GPHN: variants seen among roughly 807,000 people sequenced by gnomAD.
GPHN encodes the protein gephyrin.
A neutral mutation model predicts 95.5 loss-of-function variants in GPHN; 17 were observed. That is an observed-to-expected ratio of 0.18 (90% CI 0.12 to 0.27). GPHN has a LOEUF of 0.27. Ranked by LOEUF, GPHN falls within the 10% of genes least tolerant of loss-of-function variation. The pLI is 1.00. For synonymous variants in GPHN, 320 were observed against 322.5 expected, an observed-to-expected ratio of 0.99 and a Z score of 0.08; for missense variants, 660 against 978.1, an observed-to-expected ratio of 0.67 and a Z score of 4.34.
chr14:67,725,463 G>A, the GPHN span, among the ~76,000 whole-genome samples: 1 of 152,230 alleles, frequency 6.6e-6, no homozygotes, highest in Admixed American at 6.5e-5. Flanking sequence ...CCTCAGCAAT[G>A]GGAATGTCGG....
intron 1 of GPHN, among the ~76,000 whole-genome samples, chr14:66,632,460 C>T (rs1015475681): frequency 2.0e-5 from 3 of 149,102 alleles, no homozygotes; most frequent in African/African-American, 7.3e-5. Context: ...ACAGATTTGT[C>T]TCCATACTTT....
the GPHN span, among the ~76,000 whole-genome samples, chr14:67,346,812 A>T: frequency 6.6e-6 from 1 of 152,214 alleles, no homozygotes; most frequent in Non-Finnish European, 1.5e-5. Flanking sequence ...GGGAATTATA[A>T]GCAGTGCATT....
At chr14:67,642,356 G>A in the GPHN span, 1 of 1,613,744 alleles carries the variant, frequency 6.2e-7, no homozygotes, top group African/African-American at 1.3e-5. Context: ...ACTGGGAGGA[G>A]ACCACAGGTA....
the GPHN span, among the ~76,000 whole-genome samples, chr14:67,728,706 G>T: frequency 2.0e-5 from 3 of 151,026 alleles, no homozygotes; most frequent in African/African-American, 7.3e-5. Flanking sequence ...TATCTTGTGG[G>T]GGGGGGGTGT....
At chr14:66,762,137 TAA>T (rs3033908) in intron 2 of GPHN, among the ~76,000 whole-genome samples, 4 of 145,664 alleles carry the variant, frequency 2.7e-5, no homozygotes, top group African/African-American at 5.0e-5. Context: ...TTTGAAAGGT[TAA>T]AAAAAAAAAA....
the GPHN span, among the ~76,000 whole-genome samples, chr14:67,215,243 C>G: frequency 1.3e-5 from 2 of 152,120 alleles, no homozygotes; most frequent in South Asian, 4.1e-4. Context: ...ACTATAGGCT[C>G]ACCAGGAATC....
At chr14:67,029,595 C>A (rs554180889) in intron 10 of GPHN, among the ~76,000 whole-genome samples, 3 of 152,296 alleles carry the variant, frequency 2.0e-5, no homozygotes, top group East Asian at 3.9e-4. Flanking sequence ...CCTCAGCCCC[C>A]CAAAGTGCTG....
chr14:67,298,470 A>T, the GPHN span, among the ~76,000 whole-genome samples: 1 of 151,512 alleles, frequency 6.6e-6, no homozygotes, highest in African/African-American at 2.4e-5. Flanking sequence ...AGCCAAGATC[A>T]TGCCATTGCA....
At chr14:67,397,699 G>C in the GPHN span, 2 of 1,613,426 alleles carry the variant, frequency 1.2e-6, no homozygotes, top group Non-Finnish European at 1.7e-6. Flanking sequence ...GCAGGTGATG[G>C]TGCAGCCATC....
the GPHN span, chr14:67,376,378 T>TA: frequency 5.5e-6 from 8 of 1,467,788 alleles, no homozygotes; most frequent in East Asian, 2.0e-4. Context: ...TACTAAAATG[T>TA]AAAAACATTT....
At chr14:67,645,089 A>C in the GPHN span, among the ~76,000 whole-genome samples, 2 of 148,782 alleles carry the variant, frequency 1.3e-5, no homozygotes, top group Non-Finnish European at 3.0e-5. Context: ...TTAGGTCTTT[A>C]ATGGTTTACC....
At chr14:67,316,643 G>T in the GPHN span, among the ~76,000 whole-genome samples, 2 of 152,036 alleles carry the variant, frequency 1.3e-5, no homozygotes, top group African/African-American at 4.8e-5. Flanking sequence ...GATTGATTGA[G>T]CAGAGTTAAT....
chr14:67,695,788 C>G, the GPHN span: 19 of 1,268,822 alleles, frequency 1.5e-5, no homozygotes, highest in Non-Finnish European at 1.6e-5. Flanking sequence ...CGCCCCAATT[C>G]AAATTGCGAC....
the GPHN span, chr14:67,685,148 G>A: frequency 2.1e-5 from 34 of 1,614,038 alleles, no homozygotes; most frequent in African/African-American, 3.9e-4. Flanking sequence ...GATGAGTGCC[G>A]AACCAGTTCA....
At chr14:66,546,153 C>T (rs1356958405) in intron 1 of GPHN, among the ~76,000 whole-genome samples, 5 of 151,528 alleles carry the variant, frequency 3.3e-5, no homozygotes, top group Non-Finnish European at 7.4e-5. Flanking sequence ...CAGAGACGCT[C>T]CTCACTTCCT....
chr14:67,558,348 A>C, the GPHN span, among the ~76,000 whole-genome samples: 1 of 152,332 alleles, frequency 6.6e-6, no homozygotes, highest in East Asian at 1.9e-4. Flanking sequence ...CATAATGGGC[A>C]GATTCATGTT....
At chr14:67,286,582 G>T in the GPHN span, among the ~76,000 whole-genome samples, 3 of 152,080 alleles carry the variant, frequency 2.0e-5, no homozygotes, top group Non-Finnish European at 4.4e-5. Context: ...TTAGCCGGGC[G>T]TGGTGGCTCA....
At chr14:66,664,542 A>G (rs923487962) in intron 1 of GPHN, among the ~76,000 whole-genome samples, 4 of 152,196 alleles carry the variant, frequency 2.6e-5, no homozygotes, top group African/African-American at 9.7e-5. Context: ...CAAGATCTCA[A>G]GTTAACAACC....
the GPHN span, among the ~76,000 whole-genome samples, chr14:67,291,925 A>T: frequency 6.6e-6 from 1 of 152,204 alleles, no homozygotes; most frequent in Non-Finnish European, 1.5e-5. Flanking sequence ...TAAAAGTTCT[A>T]TTTCTGGGAC....
Sources: allele counts gnomAD v4.1 joint callset (sites outside exome capture counted in the v4.1 genomes callset), GRCh38; gene constraint gnomAD v4.1.1; transcripts MANE v1.5; gene names NCBI Gene and HGNC (gene_info 2026-07-23, HGNC 2026-07-21).